ECPAS: variants seen among roughly 807,000 people sequenced by gnomAD.
ECPAS encodes the protein proteasome adapter and scaffold protein ECM29.
A neutral mutation model predicts 255.1 loss-of-function variants in ECPAS; 70 were observed. That is an observed-to-expected ratio of 0.27 (90% CI 0.23 to 0.33). The LOEUF is 0.33. ECPAS is among the 10% of genes least tolerant of loss of function. The pLI is 1.00. For synonymous variants in ECPAS, 784 were observed against 775.0 expected, an observed-to-expected ratio of 1.01 and a Z score of -0.19; for missense variants, 1,817 against 2,206.4, an observed-to-expected ratio of 0.82 and a Z score of 3.54.
At chr9:111,432,929 T>C (rs2098232293) in intron 8 of ECPAS, among the ~76,000 whole-genome samples, 1 of 152,186 alleles carries the variant, frequency 6.6e-6, no homozygotes, top group Admixed American at 6.5e-5. Flanking sequence ...AAAAATTAGT[T>C]TCTTGGAACT....
chr9:111,438,906 C>T (rs1397110339), intron 6 of ECPAS, among the ~76,000 whole-genome samples: 1 of 152,216 alleles, frequency 6.6e-6, no homozygotes, highest in African/African-American at 2.4e-5. Flanking sequence ...TGGAGCCCCA[C>T]ATGCCTAGCT....
intron 20 of ECPAS, among the ~76,000 whole-genome samples, chr9:111,413,668 C>G (rs962614724): frequency 6.6e-6 from 1 of 151,284 alleles, no homozygotes; most frequent in African/African-American, 2.4e-5. Context: ...AGAAAAGGAA[C>G]TTTTTTTTAC....
chr9:111,379,915 T>A (rs2098138391), intron 35 of ECPAS, among the ~76,000 whole-genome samples: 2 of 152,206 alleles, frequency 1.3e-5, no homozygotes, highest in Non-Finnish European at 2.9e-5. Context: ...AGTGACTTTC[T>A]CCAATGACAT....
chr9:111,434,544 T>C (rs1488397232), intron 7 of ECPAS, among the ~76,000 whole-genome samples: 1 of 151,496 alleles, frequency 6.6e-6, no homozygotes, highest in Non-Finnish European at 1.5e-5. Context: ...AGAGCAAAAC[T>C]GTAGACAGAT....
chr9:111,373,166 G>C lies in ECPAS; in HGVS notation c.4336+4C>G. The C allele has an allele frequency of 7.5e-6, 12 of 1,610,400 alleles. No homozygotes were observed. Among genetic ancestry groups the C allele is most frequent in the Non-Finnish European group, 8.5e-6 (10 of 1,176,742 alleles). On this transcript the variant is annotated splice_donor_region_variant and intron_variant, in intron 41 of 49. Coordinates refer to ENST00000684092, the MANE Select transcript of ECPAS (RefSeq NM_001364929.1). ...AATGACATAAAATAGAAAAAGAAAG[G>C]TACCTTCTTTCTCCATATACCACCC...
At chr9:111,400,336 T>G (rs2098173879) in intron 24 of ECPAS, among the ~76,000 whole-genome samples, 1 of 152,190 alleles carries the variant, frequency 6.6e-6, no homozygotes, top group Middle Eastern at 3.2e-3. Context: ...GAATAAATAT[T>G]TAACTCTTCA....
At chr9:111,472,036 A>T (rs1449020962) in intron 2 of ECPAS, among the ~76,000 whole-genome samples, 1 of 152,130 alleles carries the variant, frequency 6.6e-6, no homozygotes, top group African/African-American at 2.4e-5. Flanking sequence ...CAGGAGGTCA[A>T]GGCTGCAGTG....
intron 3 of ECPAS, among the ~76,000 whole-genome samples, chr9:111,447,409 C>T (rs1272047523): frequency 6.6e-6 from 1 of 152,092 alleles, no homozygotes; most frequent in East Asian, 1.9e-4. Flanking sequence ...CTACTGCACT[C>T]GGCCTATTTT....
chr9:111,374,214 T>A (rs531492818), intron 38 of ECPAS, among the ~76,000 whole-genome samples, 176 bp from the exon 39 acceptor site: 3 of 152,320 alleles, frequency 2.0e-5, no homozygotes, highest in East Asian at 1.9e-4. Context: ...CGATTTTTTT[T>A]AAACCTCCAA....
At chr9:111,422,330 A>G (rs2098215320) in intron 13 of ECPAS, 130 bp from the exon 14 acceptor site, 2 of 876,708 alleles carry the variant, frequency 2.3e-6, no homozygotes, top group South Asian at 1.7e-5. Context: ...CCGCTCTGAG[A>G]GCCAAAAATT....
In ECPAS at chr9:111,361,226, CAGAT is replaced by C; in HGVS notation, c.*800_*803del. On this transcript the variant is annotated 3_prime_UTR_variant, in exon 50 of 50. Transcript: ENST00000684092. ...TTTGCAAAATATGCAGCCACAGACA[CAGAT>C]AGAATGTGTGATCTTGTCCTAATCT... is the stretch of plus-strand genomic sequence containing the variant. 1 of 152,306 alleles carries C rather than the reference CAGAT, an allele frequency of 6.6e-6. No homozygotes were observed. Among genetic ancestry groups the C allele is most frequent in the South Asian group, 2.1e-4 (1 of 4,828 alleles). 9.4% of individuals were successfully genotyped at this position (152,306 alleles called of 1,614,324 possible).
At position 111,361,675 on chromosome 9, in the gene ECPAS, A is replaced by G. The variant is rs2098113458; in HGVS notation, c.*355T>C. 1 of 160,426 alleles carries G rather than the reference A, an allele frequency of 6.2e-6. No homozygotes were observed. Among genetic ancestry groups the G allele is most frequent in the African/African-American group, 2.4e-5 (1 of 41,784 alleles). The allele number at this position is 160,426 out of a possible 1,614,324, so 9.9% of individuals were successfully genotyped here. A position where few individuals can be genotyped will look rare whatever the true frequency, so the allele number is the denominator to read the frequency against. Reference sequence around the variant, plus strand: ...GTTATTTATAGGGCCCCTTCCTGAAATAACTAATTTGAATGCAGTTCTAAG... The same window carrying G: ...GTTATTTATAGGGCCCCTTCCTGAAGTAACTAATTTGAATGCAGTTCTAAG... On this transcript the variant is annotated 3_prime_UTR_variant, in exon 50 of 50. Coordinates refer to ENST00000684092, the MANE Select transcript of ECPAS (RefSeq NM_001364929.1).
At position 111,371,722 on chromosome 9, in the gene ECPAS, C is replaced by A. The variant is rs749856712; in HGVS notation, c.4636G>T (p.Ala1546Ser). 6.2e-7 allele frequency: 1 copy of A among 1,613,578 alleles called. No homozygotes were observed. The highest frequency in any genetic ancestry group is 8.5e-7 in the Non-Finnish European group (1 of 1,179,558). ...KMKAQGAIAMASIAKQTSSLV... is the reference protein window; with the variant it reads ...KMKAQGAIAMSSIAKQTSSLV... ...GAGCTAGTCTGTTTTGCAATTGATG[C>A]CATGGCAATTGCACCCTGGGCTTTC... Residue 1546 changes from alanine to serine, a missense_variant, in exon 43 of 50, where the codon GCA becomes TCA. Physicochemically the swap from Ala to Ser is moderately conservative, Grantham distance 99 (BLOSUM62 1). Around this residue, in one of 4 missense-constraint regions of ECPAS, gnomAD observed 960 missense variants for 1,179.0 expected, o/e 0.81. Transcript: ENST00000684092.
chr9:111,421,407 ATATG>A (rs1340602217), intron 15 of ECPAS, among the ~76,000 whole-genome samples: 19 of 127,416 alleles, frequency 1.5e-4, no homozygotes, highest in Middle Eastern at 3.9e-3. Flanking sequence ...CATATTACAT[ATATG>A]TGTGTGTGTG....
At chr9:111,372,718 C>G (rs891569882) in intron 41 of ECPAS, 98 bp from the exon 42 acceptor site, 1 of 917,094 alleles carries the variant, frequency 1.1e-6, no homozygotes, top group Non-Finnish European at 1.6e-6. Context: ...GCAAAACAAA[C>G]AGGTAAAATC....
At chr9:111,405,271 T>C (rs1422637073) in intron 24 of ECPAS, among the ~76,000 whole-genome samples, 1 of 149,448 alleles carries the variant, frequency 6.7e-6, no homozygotes, top group East Asian at 2.0e-4. Flanking sequence ...TGATTTACAG[T>C]CAACTCATTT....
chr9:111,364,876 C>T (rs903016335), intron 48 of ECPAS, among the ~76,000 whole-genome samples: 3 of 152,108 alleles, frequency 2.0e-5, no homozygotes, highest in Non-Finnish European at 2.9e-5. Context: ...ACATCAAACA[C>T]CAAATGAGAA....
chr9:111,361,320 C>A lies in ECPAS; in HGVS notation c.*710G>T, dbSNP rs2098113030. 1 of 152,200 alleles carries A rather than the reference C, an allele frequency of 6.6e-6. No individual in the cohort carries two copies. The highest frequency in any genetic ancestry group is 1.5e-5 in the Non-Finnish European group (1 of 68,038). 9.4% of individuals were successfully genotyped at this position (152,200 alleles called of 1,614,324 possible). On this transcript the variant is annotated 3_prime_UTR_variant, in exon 50 of 50. Coordinates refer to ENST00000684092, the MANE Select transcript of ECPAS (RefSeq NM_001364929.1). ...CGAAGGAGACTGACTCTGTCCTCTC[C>A]ATCTGTAAAGATGCTAAACAATCAT...
chr9:111,381,999 A>G (rs866548605), intron 35 of ECPAS, among the ~76,000 whole-genome samples: 1 of 137,946 alleles, frequency 7.2e-6, no homozygotes, highest in Non-Finnish European at 1.5e-5. Context: ...TTCACGTTCA[A>G]TTTTGTAAAA....
Sources: allele counts gnomAD v4.1 joint callset (sites outside exome capture counted in the v4.1 genomes callset), GRCh38; gene constraint gnomAD v4.1.1; regional missense constraint gnomAD v4.1.1; transcripts MANE v1.5; gene names NCBI Gene and HGNC (gene_info 2026-07-23, HGNC 2026-07-21).